DISC1: variants seen among roughly 807,000 people sequenced by gnomAD.
DISC1 encodes the protein disrupted in schizophrenia 1 protein.
In DISC1, 57 loss-of-function variants were observed where a neutral mutation model predicts 84.5. The ratio of observed to expected loss-of-function variants is 0.67; its 90% CI spans 0.55 to 0.84. The LOEUF is 0.84. Ranked by LOEUF, DISC1 falls within the 40% of genes least tolerant of loss-of-function variation. DISC1 has a pLI of 0.00. For synonymous variants in DISC1, 411 were observed against 415.2 expected, an observed-to-expected ratio of 0.99 and a Z score of 0.12; for missense variants, 1,000 against 1,057.8, an observed-to-expected ratio of 0.95 and a Z score of 0.76.
chr1:231,711,515 A>G (rs182676511), intron 3 of DISC1, among the ~76,000 whole-genome samples: 2 of 151,422 alleles, frequency 1.3e-5, no homozygotes, highest in South Asian at 2.1e-4. Context: ...GCATGCTGCC[A>G]TGCCTGGCTA....
chr1:231,886,803 C>CT (rs1199309712), intron 9 of DISC1, among the ~76,000 whole-genome samples: 1 of 138,916 alleles, frequency 7.2e-6, no homozygotes, highest in African/African-American at 2.7e-5. Flanking sequence ...TTCTTTCTTT[C>CT]TTTCTTTCTT....
At chr1:231,726,696 T>G (rs527607171) in intron 3 of DISC1, among the ~76,000 whole-genome samples, 1 of 152,276 alleles carries the variant, frequency 6.6e-6, no homozygotes, top group South Asian at 2.1e-4. Context: ...CACCCCAGAA[T>G]GTGTTTGGGC....
At chr1:231,884,721 C>G (rs2086559061) in intron 9 of DISC1, among the ~76,000 whole-genome samples, 1 of 151,858 alleles carries the variant, frequency 6.6e-6, no homozygotes, top group Non-Finnish European at 1.5e-5. Flanking sequence ...GAAATAACCT[C>G]TACACCAAAC....
intron 9 of DISC1, among the ~76,000 whole-genome samples, chr1:231,917,956 G>A (rs765139393): frequency 4.6e-5 from 7 of 152,242 alleles, no homozygotes; most frequent in Non-Finnish European, 8.8e-5. Context: ...GATTGAAGAA[G>A]CTGAGGTTGA....
At chr1:232,022,490 C>T (rs1452956421) in intron 11 of DISC1, among the ~76,000 whole-genome samples, 1 of 151,934 alleles carries the variant, frequency 6.6e-6, no homozygotes, top group Non-Finnish European at 1.5e-5. Context: ...GTATTATTAG[C>T]AGAGACAGGG....
Position 231,651,498 on chromosome 1 carries a change from C to T in DISC1, c.67+24564C>T, listed in dbSNP as rs190331491. On this transcript the variant is annotated intron_variant, in intron 1 of 12. Transcript: ENST00000439617. ...GTGCCCGCCTGTATGAGGTGTCAGTCGGCCCCTACTTGGAGGTGTCTCTCA... is the reference window on the plus strand; with the variant it reads ...GTGCCCGCCTGTATGAGGTGTCAGTTGGCCCCTACTTGGAGGTGTCTCTCA... Among the ~76,000 whole-genome samples the T allele has an allele frequency of 4.7e-3, 716 of 152,292 alleles. 5 individuals carry two copies. Among genetic ancestry groups the T allele is most frequent in the Non-Finnish European group, 6.3e-3 (430 of 68,022 alleles).
chr1:231,989,545 C>T (rs995890956), intron 10 of DISC1, among the ~76,000 whole-genome samples: 10 of 152,184 alleles, frequency 6.6e-5, no homozygotes, highest in South Asian at 2.1e-4. Flanking sequence ...TATTTTGCTA[C>T]GAAGGAAAGA....
At chr1:231,643,826 G>A (rs767427604) in intron 1 of DISC1, among the ~76,000 whole-genome samples, 5 of 152,212 alleles carry the variant, frequency 3.3e-5, no homozygotes, top group Non-Finnish European at 4.4e-5. Flanking sequence ...CTGTGCAGGT[G>A]ACGTCCCACA....
intron 9 of DISC1, among the ~76,000 whole-genome samples, chr1:231,900,747 C>T (rs944251790): frequency 2.0e-5 from 3 of 152,094 alleles, no homozygotes; most frequent in African/African-American, 7.2e-5. Flanking sequence ...TGCTGATCTC[C>T]TAGGGTAAGA....
intron 9 of DISC1, among the ~76,000 whole-genome samples, chr1:231,948,466 G>C (rs1181956518): frequency 6.6e-6 from 1 of 152,072 alleles, no homozygotes; most frequent in Non-Finnish European, 1.5e-5. Flanking sequence ...GTGGTGGGGG[G>C]CTCGGGAAGG....
chr1:231,987,960 A>T (rs1159884437), intron 10 of DISC1, among the ~76,000 whole-genome samples: 2 of 152,150 alleles, frequency 1.3e-5, no homozygotes, highest in Admixed American at 1.3e-4. Context: ...AGGCTGGAGC[A>T]GGTGGATTTG....
rs573655560 is a variant in DISC1, at chr1:231,831,215, G to T, written c.1981+12698G>T. Among the ~76,000 whole-genome samples the T allele has an allele frequency of 1.1e-4, 16 of 152,262 alleles. No individual in the cohort carries two copies. The East Asian group carries it at 2.9e-3, about 28-fold the overall frequency. On this transcript the variant is annotated intron_variant, in intron 9 of 12. Coordinates refer to ENST00000439617, the MANE Select transcript of DISC1 (RefSeq NM_018662.3). ...GCTTGATGTGTAGGGAAGGGAGGAGGCCTGAACAATCCCCAAGGGGTAGTA... is the reference window on the plus strand; with the variant it reads ...GCTTGATGTGTAGGGAAGGGAGGAGTCCTGAACAATCCCCAAGGGGTAGTA...
At chr1:231,872,346 A>T (rs2085524516) in intron 9 of DISC1, among the ~76,000 whole-genome samples, 1 of 152,078 alleles carries the variant, frequency 6.6e-6, no homozygotes, top group Non-Finnish European at 1.5e-5. Flanking sequence ...ATTTGCTTGA[A>T]AACTTTCTTA....
intron 5 of DISC1, among the ~76,000 whole-genome samples, chr1:231,767,527 G>A (rs1242953223): frequency 6.6e-6 from 1 of 152,126 alleles, no homozygotes; most frequent in African/African-American, 2.4e-5. Flanking sequence ...GAACTCCTGG[G>A]CTCAAAGAAT....
intron 9 of DISC1, among the ~76,000 whole-genome samples, chr1:231,885,422 G>A (rs1356457825): frequency 1.3e-5 from 2 of 152,190 alleles, no homozygotes; most frequent in East Asian, 3.9e-4. Context: ...GGGAAGGAGT[G>A]TGATAGGGGA....
intron 9 of DISC1, chr1:231,945,295 A>C (rs1656939563): frequency 6.6e-6 from 1 of 152,248 alleles, no homozygotes; most frequent in African/African-American, 2.4e-5. Context: ...ATTAGAACTC[A>C]AGATTAAGGA....
At chr1:231,637,217 G>A (rs1448069448) in intron 1 of DISC1, among the ~76,000 whole-genome samples, 1 of 152,156 alleles carries the variant, frequency 6.6e-6, no homozygotes, top group Non-Finnish European at 1.5e-5. Context: ...ATGGGCATTT[G>A]GGTTGGTTCT....
intron 1 of DISC1, among the ~76,000 whole-genome samples, chr1:231,634,932 T>A (rs1437404016): frequency 3.5e-5 from 5 of 144,654 alleles, no homozygotes; most frequent in Admixed American, 6.9e-5. Context: ...AAAAAAAAAA[T>A]GAAAAAACTC....
intron 4 of DISC1, among the ~76,000 whole-genome samples, chr1:231,757,857 G>C (rs1236321166): frequency 4.6e-5 from 7 of 152,076 alleles, no homozygotes; most frequent in Non-Finnish European, 7.4e-5. Context: ...CGGACAGTTT[G>C]GGTGCCCTGT....
Sources: allele counts gnomAD v4.1 joint callset (sites outside exome capture counted in the v4.1 genomes callset), GRCh38; gene constraint gnomAD v4.1.1; transcripts MANE v1.5; gene names NCBI Gene and HGNC (gene_info 2026-07-23, HGNC 2026-07-21).